PCDHA9: variants seen among roughly 807,000 people sequenced by gnomAD.
PCDHA9 encodes the protein protocadherin alpha-9.
PCDHA9 carries 62 observed loss-of-function variants against 62.0 expected under a neutral mutation model. The observed-to-expected ratio is 1.00, with a 90% CI of 0.81 to 1.23. The LOEUF is 1.23. Among genes scored for constraint, PCDHA9 ranks in the 50% most tolerant of loss-of-function variants. PCDHA9 has a pLI of 0.00. For missense variants in PCDHA9, 1,205 were observed against 1,249.8 expected (o/e 0.96, Z 0.54); for synonymous variants, 557 against 567.6 (o/e 0.98, Z 0.27).
In PCDHA9 at chr5:140,958,013, G is replaced by A. The variant is rs553596138; in HGVS notation, c.2395-20936G>A. 2.6e-5 allele frequency among the ~76,000 whole-genome samples: 4 copies of A among 152,110 alleles called. No individual in the cohort carries two copies. In the South Asian group the frequency reaches 8.3e-4, roughly 32 times the overall value. On this transcript the variant is annotated intron_variant, in intron 1 of 3. Coordinates refer to ENST00000532602, the MANE Select transcript of PCDHA9 (RefSeq NM_031857.2). ...CAGATTTTTTGTTTCAATTCTATCA[G>A]CCAAGTATACTATGCTTTCTTTGCT...
chr5:140,903,987 C>A (rs1324981597), intron 1 of PCDHA9, among the ~76,000 whole-genome samples: 1 of 152,146 alleles, frequency 6.6e-6, no homozygotes, highest in Non-Finnish European at 1.5e-5. Flanking sequence ...CACAATGTAA[C>A]AGCTACAAAT....
At chr5:141,006,108 T>C (rs1268824828) in intron 3 of PCDHA9, among the ~76,000 whole-genome samples, 5 of 151,864 alleles carry the variant, frequency 3.3e-5, no homozygotes. Context: ...GTAAGGAGTT[T>C]TTTTTTTTTT....
chr5:140,928,675 T>C (rs782241604), intron 1 of PCDHA9: 1 of 1,614,210 alleles, frequency 6.2e-7, no homozygotes, highest in South Asian at 1.1e-5. Flanking sequence ...TTCTAATGCC[T>C]GGCTTTCCTA....
At chr5:140,906,253 A>ACCTC (rs1329710908) in intron 1 of PCDHA9, among the ~76,000 whole-genome samples, 2 of 152,064 alleles carry the variant, frequency 1.3e-5, no homozygotes, top group African/African-American at 4.8e-5. Flanking sequence ...ACCCATACAC[A>ACCTC]CCTCCTGAAA....
chr5:140,851,789 C>G, intron 1 of PCDHA9: 1 of 955,732 alleles, frequency 1.0e-6, no homozygotes, highest in Non-Finnish European at 1.3e-6. Context: ...TGAGAATTCA[C>G]TTGTTCTGTC....
At chr5:140,929,376 G>C in intron 1 of PCDHA9, 1 of 1,513,958 alleles carries the variant, frequency 6.6e-7, no homozygotes, top group Non-Finnish European at 8.8e-7. Flanking sequence ...ATGGCTGCTA[G>C]CTGTGTTTTG....
intron 1 of PCDHA9, among the ~76,000 whole-genome samples, chr5:140,903,809 G>A (rs1004701576): frequency 2.0e-5 from 3 of 152,080 alleles, no homozygotes; most frequent in African/African-American, 7.2e-5. Flanking sequence ...GACAAGTATA[G>A]TTCTCACATG....
Position 140,850,752 on chromosome 5 carries a change from C to G in PCDHA9, c.2257C>G (p.Gln753Glu). The change falls in exon 1 of 4, where the codon CAG (glutamine) becomes GAG (glutamate). Residue 753 changes from glutamine (Q) to glutamate (E), a missense_variant. By Grantham distance (29) the Gln-to-Glu change is conservative (BLOSUM62 2). This residue lies in a region of PCDHA9 where 887 missense variants were observed against 809.5 expected (regional missense o/e 1.10). Transcript: ENST00000532602. ...GGTGGGGAGTTGGTCGTACTCGCAG[C>G]AGAGGAGGCAGAGGGTGTGCTCTGG... is the stretch of plus-strand genomic sequence containing the variant. ...SAVGSWSYSQ[Q>E]RRQRVCSGEG... The G allele has an allele frequency of 1.3e-6, 2 of 1,597,900 alleles. 1 individual carries two copies. Among genetic ancestry groups the G allele is most frequent in the Non-Finnish European group, 1.7e-6 (2 of 1,167,560 alleles).
intron 1 of PCDHA9, among the ~76,000 whole-genome samples, chr5:140,926,138 T>C (rs2082936633): frequency 6.6e-6 from 1 of 152,004 alleles, no homozygotes; most frequent in African/African-American, 2.4e-5. Flanking sequence ...CGCAGCAGGA[T>C]CCAGCGCGGA....
At chr5:140,859,768 T>A (rs1469606357) in intron 1 of PCDHA9, 1 of 152,934 alleles carries the variant, frequency 6.5e-6, no homozygotes, top group Non-Finnish European at 1.5e-5. Flanking sequence ...ATACTCTCCA[T>A]GCCCTGTCTC....
intron 1 of PCDHA9, among the ~76,000 whole-genome samples, chr5:140,855,023 G>C (rs115040572): frequency 0.046 from 6,867 of 149,598 alleles, 637 homozygotes; most frequent in Middle Eastern, 0.088. Context: ...GAAACTTCTT[G>C]TATAAAGGAT....
intron 1 of PCDHA9, chr5:140,967,164 C>G (rs762120187): frequency 8.7e-6 from 14 of 1,611,226 alleles, no homozygotes; most frequent in Non-Finnish European, 1.2e-5. Flanking sequence ...GCGGTGAGCG[C>G]CGTTGAGGTG....
At chr5:140,942,754 A>C (rs1157116096) in intron 1 of PCDHA9, among the ~76,000 whole-genome samples, 1 of 152,212 alleles carries the variant, frequency 6.6e-6, no homozygotes, top group African/African-American at 2.4e-5. Context: ...TGTATAAATG[A>C]GATGGCATAA....
intron 1 of PCDHA9, chr5:140,856,389 A>G (rs1554148624): frequency 6.3e-7 from 1 of 1,598,440 alleles, no homozygotes; most frequent in African/African-American, 1.3e-5. Context: ...AGGCCGCTGC[A>G]GGTTTTCCAT....
chr5:140,906,262 A>AAT (rs2072503500), intron 1 of PCDHA9, among the ~76,000 whole-genome samples: 2 of 152,306 alleles, frequency 1.3e-5, no homozygotes, highest in African/African-American at 4.8e-5. Flanking sequence ...CACCTCCTGA[A>AAT]ATTATAGATA....
At chr5:140,962,622 G>A (rs1389569825) in intron 1 of PCDHA9, among the ~76,000 whole-genome samples, 2 of 152,130 alleles carry the variant, frequency 1.3e-5, no homozygotes, top group African/African-American at 2.4e-5. Context: ...AGGGAGATGT[G>A]AAAAAATTTA....
At chr5:140,903,401 T>A (rs577425497) in intron 1 of PCDHA9, among the ~76,000 whole-genome samples, 2 of 152,336 alleles carry the variant, frequency 1.3e-5, no homozygotes, top group East Asian at 3.9e-4. Flanking sequence ...GAAACAGTAG[T>A]GCAGTCAGGA....
At chr5:140,959,676 A>G (rs2095505288) in intron 1 of PCDHA9, among the ~76,000 whole-genome samples, 1 of 152,246 alleles carries the variant, frequency 6.6e-6, no homozygotes, top group Non-Finnish European at 1.5e-5. Flanking sequence ...AATCATTTCT[A>G]AATAATTTCA....
intron 3 of PCDHA9, among the ~76,000 whole-genome samples, chr5:140,994,538 A>G (rs1554254218): frequency 1.8e-5 from 2 of 111,930 alleles, no homozygotes; most frequent in African/African-American, 9.1e-5. Context: ...CCCCATCTCT[A>G]CAAAAAAAAT....
Sources: gnomAD v4.1 joint callset for allele counts (sites outside exome capture counted in the v4.1 genomes callset) on GRCh38, gnomAD v4.1.1 for gene constraint, gnomAD v4.1.1 regional missense constraint, MANE v1.5 for transcripts, NCBI Gene and HGNC (gene_info 2026-07-23, HGNC 2026-07-21) for gene names.